The following PAPPA variants were observed in gnomAD, a reference collection of about 807,000 sequenced individuals.
The protein encoded by PAPPA is pappalysin-1.
In PAPPA, 60 loss-of-function variants were observed where a neutral mutation model predicts 164.0. That is an observed-to-expected ratio of 0.37 (90% CI 0.30 to 0.45). PAPPA has a LOEUF of 0.45. Among genes scored for constraint, PAPPA ranks in the 20% least tolerant of loss-of-function variants. The pLI is 1.00. For missense variants in PAPPA, 1,782 were observed against 2,087.3 expected, an observed-to-expected ratio of 0.85 and a Z score of 2.85; for synonymous variants, 875 against 814.1, an observed-to-expected ratio of 1.07 and a Z score of -1.27.
chr9:116,256,190 A>G (rs1372306346), intron 7 of PAPPA, among the ~76,000 whole-genome samples: 2 of 152,028 alleles, frequency 1.3e-5, no homozygotes, highest in Non-Finnish European at 2.9e-5. Context: ...AATAAGGGTC[A>G]GTAAACAACC....
At chr9:116,241,046 G>A (rs1035993904) in intron 7 of PAPPA, among the ~76,000 whole-genome samples, 3 of 152,114 alleles carry the variant, frequency 2.0e-5, no homozygotes, top group African/African-American at 7.2e-5. Context: ...GAAATGAATA[G>A]ACATAAGGAA....
intron 7 of PAPPA, among the ~76,000 whole-genome samples, chr9:116,236,438 T>A (rs1388407814): frequency 1.3e-5 from 2 of 151,852 alleles, no homozygotes; most frequent in Non-Finnish European, 2.9e-5. Context: ...TACAAAAAAA[T>A]TAGCTGGGTG....
intron 7 of PAPPA, among the ~76,000 whole-genome samples, chr9:116,260,570 G>A (rs1476681802): frequency 3.3e-5 from 5 of 152,020 alleles, no homozygotes; most frequent in Middle Eastern, 3.2e-3. Flanking sequence ...GACAATCTGG[G>A]TGGTAGGTCC....
intron 9 of PAPPA, among the ~76,000 whole-genome samples, chr9:116,295,680 T>C (rs1165820520): frequency 6.6e-6 from 1 of 152,230 alleles, no homozygotes; most frequent in Non-Finnish European, 1.5e-5. Context: ...AGTTTCTTAC[T>C]GTATTAGTTC....
chr9:116,166,325 GC>G (rs1023456434), intron 1 of PAPPA, among the ~76,000 whole-genome samples: 1 of 152,138 alleles, frequency 6.6e-6, no homozygotes, highest in Non-Finnish European at 1.5e-5. Flanking sequence ...TCAGCCCTGT[GC>G]CTGTTTGCAA....
rs924878696 is a variant in PAPPA, at chr9:116,184,731, C to T, written c.416-2423C>T. Among the ~76,000 whole-genome samples the T allele has an allele frequency of 2.0e-5, 3 of 152,198 alleles. No individual in the cohort carries two copies. In the South Asian group the frequency reaches 6.2e-4, roughly 31 times the overall value. On this transcript the variant is annotated intron_variant, in intron 1 of 21. Coordinates refer to ENST00000328252, the MANE Select transcript of PAPPA (RefSeq NM_002581.5). ...GAGTGCAAAGATCCTGATCTTTCTACTTTACCAAGAATACATTTTATTCTC... is the reference window on the plus strand; with the variant it reads ...GAGTGCAAAGATCCTGATCTTTCTATTTTACCAAGAATACATTTTATTCTC...
At position 116,187,179 on chromosome 9, in the gene PAPPA, C is replaced by T. The variant is rs767880968; in HGVS notation, c.441C>T (p.Ile147=). The T allele has an allele frequency of 2.5e-6, 4 of 1,613,884 alleles. No individual in the cohort carries two copies. The highest frequency in any genetic ancestry group is 4.5e-5 in the East Asian group (2 of 44,884). ...ITGLYDKCSY[I]SRDRGWVVGI... is the part of the protein sequence containing the mutation. ...GGCTGTATGACAAATGTTCTTATAT[C>T]TCACGTGACCGAGGATGGGTCGTGG... The change falls in exon 2 of 22, where the codon ATC becomes ATT. Residue 147 remains isoleucine (I), a synonymous_variant. Transcript: ENST00000328252. This position sits in a 1 kb window ranked among gnomAD's most constrained non-coding sequence, Gnocchi z 4.2.
intron 19 of PAPPA, among the ~76,000 whole-genome samples, chr9:116,372,061 C>T (rs1751737966): frequency 6.6e-6 from 1 of 152,036 alleles, no homozygotes. Context: ...GTGTCCTAAA[C>T]CTTCTTTTTC....
rs775498698 is a variant in PAPPA, at chr9:116,211,687, A to G, written c.1673A>G (p.His558Arg). 2 of 1,614,108 alleles carry G rather than the reference A, an allele frequency of 1.2e-6. No individual in the cohort carries two copies. The highest frequency in any genetic ancestry group is 4.5e-5 in the East Asian group (2 of 44,874). Residue 558 changes from histidine to arginine, a missense_variant, in exon 4 of 22, where the codon CAC becomes CGC. By Grantham distance (29) the His-to-Arg change is conservative. Transcript: ENST00000328252. ...TTCTATGGCATGCCTGGGCACACCC[A>G]CACCATGATCCATGAGATTGGTCAC... The part of the protein sequence containing the change: ...PSFYGMPGHT[H>R]TMIHEIGHSL...
chr9:116,281,557 CG>C (rs1845267598), intron 9 of PAPPA, among the ~76,000 whole-genome samples: 1 of 152,074 alleles, frequency 6.6e-6, no homozygotes, highest in Admixed American at 6.6e-5. Context: ...ACCTTCCAAA[CG>C]GTTTAGGCAG....
chr9:116,267,968 A>C (rs1269259652), intron 8 of PAPPA, among the ~76,000 whole-genome samples: 2 of 151,956 alleles, frequency 1.3e-5, no homozygotes, highest in African/African-American at 4.8e-5. Context: ...GCATAATCTC[A>C]AGTGGCTTTC....
intron 2 of PAPPA, among the ~76,000 whole-genome samples, chr9:116,204,150 G>A (rs751585084): frequency 5.3e-5 from 8 of 152,120 alleles, no homozygotes; most frequent in African/African-American, 9.7e-5. Context: ...GTTGGGATCC[G>A]CATGAGCTAA....
At chr9:116,261,544 C>G (rs1383431234) in intron 7 of PAPPA, among the ~76,000 whole-genome samples, 1 of 152,178 alleles carries the variant, frequency 6.6e-6, no homozygotes, top group Non-Finnish European at 1.5e-5. Context: ...CTACAGATTT[C>G]AGATAGGTTT....
chr9:116,184,775 A>T (rs1843949773), intron 1 of PAPPA, among the ~76,000 whole-genome samples: 1 of 152,178 alleles, frequency 6.6e-6, no homozygotes, highest in Non-Finnish European at 1.5e-5. Flanking sequence ...CCTGTACTTT[A>T]GTCACAGAGA....
chr9:116,303,031 G>A, intron 10 of PAPPA, 81 bp downstream of exon 10: 1 of 1,208,604 alleles, frequency 8.3e-7, no homozygotes, highest in Non-Finnish European at 1.2e-6. Context: ...CACCTCTAAG[G>A]CAGTGTCATT....
At position 116,187,040 on chromosome 9, in the gene PAPPA, G is replaced by T; in HGVS notation, c.416-114G>T. 2.6e-6 allele frequency: 2 copies of T among 756,694 alleles called. No individual in the cohort carries two copies. The highest frequency in any genetic ancestry group is 2.1e-6 in the Non-Finnish European group (1 of 472,764). The allele number at this position is 756,694 out of a possible 1,614,324, so 46.9% of individuals were successfully genotyped here. A position where few individuals can be genotyped will look rare whatever the true frequency, so the allele number is the denominator to read the frequency against. ...ACTCCTAGGATCCCACAGAGCAGTT[G>T]GAAAGCGATGAGTCTAGGATAACCT... is the stretch of plus-strand genomic sequence containing the variant. On this transcript the variant is annotated intron_variant, in intron 1 of 21. Transcript: ENST00000328252. This position sits in a 1 kb window ranked among gnomAD's most constrained non-coding sequence, Gnocchi z 4.2.
At chr9:116,281,719 TTAAG>T (rs1415609445) in intron 9 of PAPPA, among the ~76,000 whole-genome samples, 2 of 152,158 alleles carry the variant, frequency 1.3e-5, no homozygotes, top group Admixed American at 1.3e-4. Context: ...CCCCAAATGT[TTAAG>T]TGACTTTTGA....
At chr9:116,382,157 C>T (rs139757967) in intron 20 of PAPPA, among the ~76,000 whole-genome samples, 89 of 152,160 alleles carry the variant, frequency 5.8e-4, no homozygotes, top group African/African-American at 2.1e-3. Context: ...CATAACCATA[C>T]TCTAGTTGGA....
intron 9 of PAPPA, chr9:116,286,688 T>C (rs2118854524): frequency 6.6e-6 from 1 of 152,286 alleles, no homozygotes; most frequent in African/African-American, 2.4e-5. Context: ...AAACATAAGT[T>C]ATTGAGCCTG....
Sources: gnomAD v4.1 joint callset for allele counts (sites outside exome capture counted in the v4.1 genomes callset) on GRCh38, gnomAD v4.1.1 for gene constraint, Gnocchi (gnomAD v3.1) non-coding constraint, MANE v1.5 for transcripts, NCBI Gene and HGNC (gene_info 2026-07-23, HGNC 2026-07-21) for gene names.